NELL2: variants seen among roughly 807,000 people sequenced by gnomAD.
NELL2 encodes protein kinase C-binding protein NELL2.
A neutral mutation model predicts 109.6 loss-of-function variants in NELL2; 41 were observed. That is an observed-to-expected ratio of 0.37 (90% confidence interval 0.29 to 0.49). The LOEUF is 0.49. Ranked by LOEUF, NELL2 falls within the 20% of genes least tolerant of loss-of-function variation. The pLI is 0.98. For missense variants in NELL2, 900 were observed against 1,008.3 expected, an observed-to-expected ratio of 0.89 and a Z score of 1.45; for synonymous variants, 355 against 344.7, an observed-to-expected ratio of 1.03 and a Z score of -0.33.
chr12:44,513,116 C>G (rs1941074483), intron 19 of NELL2, among the ~76,000 whole-genome samples: 1 of 151,800 alleles, frequency 6.6e-6, no homozygotes, highest in South Asian at 2.1e-4. Context: ...AAGGAAAAAC[C>G]AAATAATCCA....
chr12:44,850,849 T>C (rs761380063), intron 2 of NELL2, among the ~76,000 whole-genome samples: 11 of 152,164 alleles, frequency 7.2e-5, no homozygotes, highest in Admixed American at 1.3e-4. Flanking sequence ...GGTGATAATA[T>C]AGATGCCAAT....
intron 19 of NELL2, among the ~76,000 whole-genome samples, chr12:44,518,072 TAAC>T (rs1375877318): frequency 1.3e-5 from 2 of 152,136 alleles, no homozygotes; most frequent in African/African-American, 4.8e-5. Flanking sequence ...TCATATTTAA[TAAC>T]AAGAGATAAA....
At chr12:44,817,230 C>T (rs767700594) in intron 2 of NELL2, among the ~76,000 whole-genome samples, 4 of 152,180 alleles carry the variant, frequency 2.6e-5, no homozygotes, top group Non-Finnish European at 5.9e-5. Flanking sequence ...CAAACATTCC[C>T]AGGGAAGCAA....
intron 1 of NELL2, among the ~76,000 whole-genome samples, chr12:44,898,019 G>A (rs1242606839): frequency 1.3e-5 from 2 of 152,146 alleles, no homozygotes; most frequent in African/African-American, 2.4e-5. Flanking sequence ...ACTGGGTAAA[G>A]CCCACCAAAG....
intron 9 of NELL2, among the ~76,000 whole-genome samples, chr12:44,758,033 G>C (rs1405910006): frequency 6.9e-6 from 1 of 144,584 alleles, no homozygotes; most frequent in Non-Finnish European, 1.5e-5. Flanking sequence ...ATTGTCTTTT[G>C]ATACAGGAGA....
intron 13 of NELL2, among the ~76,000 whole-genome samples, chr12:44,638,041 A>G (rs1946709938): frequency 6.6e-6 from 1 of 152,014 alleles, no homozygotes. Flanking sequence ...TACTCACTTC[A>G]TTCTTCCAGT....
At chr12:44,765,997 G>A (rs1470261935) in intron 9 of NELL2, among the ~76,000 whole-genome samples, 1 of 151,750 alleles carries the variant, frequency 6.6e-6, no homozygotes, top group Non-Finnish European at 1.5e-5. Flanking sequence ...GCTGGCACCT[G>A]TAATCCCAGC....
chr12:44,510,957 T>C (rs1306074714), intron 19 of NELL2, among the ~76,000 whole-genome samples: 1 of 152,226 alleles, frequency 6.6e-6, no homozygotes, highest in African/African-American at 2.4e-5. Context: ...TACCAGTTCC[T>C]GGGAATATCA....
intron 15 of NELL2, among the ~76,000 whole-genome samples, chr12:44,595,321 T>C (rs1944913837): frequency 6.6e-6 from 1 of 152,246 alleles, no homozygotes; most frequent in South Asian, 2.1e-4. Context: ...AAGTAATTTA[T>C]ATTTTAAAAG....
At chr12:44,531,098 C>T (rs1206271769) in intron 16 of NELL2, among the ~76,000 whole-genome samples, 1 of 152,052 alleles carries the variant, frequency 6.6e-6, no homozygotes, top group Non-Finnish European at 1.5e-5. Context: ...CATCCAGATG[C>T]ACAGAAAAAA....
At chr12:44,790,492 C>T (rs1364022356) in intron 3 of NELL2, among the ~76,000 whole-genome samples, 1 of 151,770 alleles carries the variant, frequency 6.6e-6, no homozygotes, top group African/African-American at 2.4e-5. Context: ...AATTTTGAAA[C>T]AAATACTGGA....
intron 9 of NELL2, among the ~76,000 whole-genome samples, chr12:44,763,519 G>A (rs1488234653): frequency 2.0e-5 from 3 of 152,124 alleles, no homozygotes; most frequent in Non-Finnish European, 4.4e-5. Context: ...AAGGCTCTTG[G>A]TTTGTGTTTT....
intron 15 of NELL2, among the ~76,000 whole-genome samples, chr12:44,573,867 T>C (rs1238158838): frequency 6.6e-6 from 1 of 152,164 alleles, no homozygotes; most frequent in East Asian, 1.9e-4. Flanking sequence ...ACAGGGAGAC[T>C]ATACCAGTTT....
intron 3 of NELL2, among the ~76,000 whole-genome samples, chr12:44,803,477 G>A (rs1429967275): frequency 6.6e-6 from 1 of 152,024 alleles, no homozygotes; most frequent in Non-Finnish European, 1.5e-5. Context: ...AAATGGCTCA[G>A]AGGAATAAGA....
upstream of NELL2, among the ~76,000 whole-genome samples, chr12:44,880,140 CAGAGAG>C (rs59747538): frequency 6.8e-6 from 1 of 147,450 alleles, no homozygotes; most frequent in Non-Finnish European, 1.5e-5. Context: ...CACACACACA[CAGAGAG>C]AGAGAGAGAG....
intron 15 of NELL2, among the ~76,000 whole-genome samples, chr12:44,604,617 C>G (rs1163705427): frequency 6.6e-6 from 1 of 152,070 alleles, no homozygotes; most frequent in South Asian, 2.1e-4. Context: ...TAAGATACAT[C>G]CTGTACCCTC....
chr12:44,807,156 C>T lies in NELL2; in HGVS notation c.335+8830G>A, dbSNP rs142572001. On this transcript the variant is annotated intron_variant, in intron 3 of 19. Transcript: ENST00000429094. ...ATAATAAACACATATAAAGAAGCAA[C>T]GTTTGAAATGCAAAAATCCTCTTAA... Among the ~76,000 whole-genome samples, 770 of 151,478 alleles carry T rather than the reference C, an allele frequency of 5.1e-3. 12 individuals carry two copies. Among genetic ancestry groups the T allele is most frequent in the African/African-American group, 0.015 (630 of 41,390 alleles).
Position 44,523,483 on chromosome 12 carries a change from A to G in NELL2, c.1806T>C (p.Asp602=). 6.2e-7 allele frequency: 1 copy of G among 1,612,840 alleles called. No individual in the cohort carries two copies. Among genetic ancestry groups the G allele is most frequent in the Non-Finnish European group, 8.5e-7 (1 of 1,179,926 alleles). The change falls in exon 17 of 20, where the codon GAT becomes GAC. Residue 602 remains aspartate (D), a splice_region_variant and synonymous_variant. Coordinates refer to ENST00000429094, the MANE Select transcript of NELL2 (RefSeq NM_001145108.2). ...GCCTCCCGGTCCCACACTCATCAAT[A>G]TCTATAGACAAGAAAAAGCAGCACT... The part of the protein sequence containing the change: ...MFSPSGESCE[D]IDECGTGRHS...
rs114276246 is a variant in NELL2, at chr12:44,665,039, C to G, written c.1444+445G>C. 7.3e-3 allele frequency among the ~76,000 whole-genome samples: 1,111 copies of G among 152,156 alleles called. 9 individuals are homozygous for G. The highest frequency in any genetic ancestry group is 0.021 in the African/African-American group (874 of 41,542). On this transcript the variant is annotated intron_variant, in intron 13 of 19. Coordinates refer to ENST00000429094, the MANE Select transcript of NELL2 (RefSeq NM_001145108.2). ...TTCTTTGATGTAGTTCTCAATTGTACTTCTCAGACATGTGAAGAAGCTCAT... is the reference window on the plus strand; with the variant it reads ...TTCTTTGATGTAGTTCTCAATTGTAGTTCTCAGACATGTGAAGAAGCTCAT...
Sources: gnomAD v4.1 joint callset for allele counts (sites outside exome capture counted in the v4.1 genomes callset) on GRCh38, gnomAD v4.1.1 for gene constraint, MANE v1.5 for transcripts, NCBI Gene and HGNC (gene_info 2026-07-23, HGNC 2026-07-21) for gene names.